The following CACNA1H variants were observed in gnomAD, a reference collection of about 807,000 sequenced individuals.
The protein encoded by CACNA1H is calcium voltage-gated channel subunit alpha1 H, also known as voltage-dependent T-type calcium channel subunit alpha-1H.
CACNA1H carries 149 observed loss-of-function variants against 192.5 expected under a neutral mutation model. The observed-to-expected ratio is 0.77, with a 90% CI of 0.68 to 0.89. CACNA1H has a LOEUF of 0.89. Among genes scored for constraint, CACNA1H ranks in the 40% least tolerant of loss-of-function variants. CACNA1H has a pLI of 0.00. For synonymous variants in CACNA1H, 2,202 were observed against 1,475.2 expected (o/e 1.49, Z -11.29); for missense variants, 4,257 against 3,423.5 (o/e 1.24, Z -6.08).
At position 1,212,123 on chromosome 16, in the gene CACNA1H, G is replaced by C. The variant is rs1426163060; in HGVS notation, c.4744G>C (p.Glu1582Gln). The C allele has an allele frequency of 4.4e-6, 7 of 1,607,032 alleles. No individual in the cohort carries two copies. Among genetic ancestry groups the C allele is most frequent in the Non-Finnish European group, 5.9e-6 (7 of 1,179,368 alleles). ...RREEKRLRRL[E>Q]RRRRSTFPSP... ...AGAGGAGAAGCGGCTGCGGCGCCTAGAGAGGAGGCGCAGGAGTAAGGCGCT... is the reference window on the plus strand; with the variant it reads ...AGAGGAGAAGCGGCTGCGGCGCCTACAGAGGAGGCGCAGGAGTAAGGCGCT... Residue 1582 changes from glutamate (E) to glutamine (Q), a missense_variant, in exon 25 of 35, where the codon GAG becomes CAG. By Grantham distance (29) the Glu-to-Gln change is conservative. Transcript: ENST00000348261.
rs375132698 is a variant in CACNA1H, at chr16:1,207,148, G to A, written c.2907+30G>A. On this transcript the variant is annotated intron_variant, in intron 13 of 34. Coordinates refer to ENST00000348261, the MANE Select transcript of CACNA1H (RefSeq NM_021098.3). ...TGCCCGGGGTCCCCGCAGCAGTGTT[G>A]GGTGCTGAGTGTGGTCCCCAGAGAG... 3.2e-6 allele frequency: 5 copies of A among 1,557,296 alleles called. No individual in the cohort carries two copies. In the African/African-American group the frequency reaches 6.8e-5, roughly 21 times the overall value.
At chr16:1,207,207 T>C in intron 13 of CACNA1H, 68 bp from the exon 14 acceptor site, 2 of 1,554,958 alleles carry the variant, frequency 1.3e-6, no homozygotes, top group South Asian at 1.2e-5. Flanking sequence ...CATAGCTGCC[T>C]CTGCCCCAAG....
Position 1,211,522 on chromosome 16 carries a change from C to G in CACNA1H, c.4392C>G (p.Thr1464=), listed in dbSNP as rs1401632465. The G allele has an allele frequency of 1.2e-6, 2 of 1,612,492 alleles. No homozygotes were observed. The highest frequency in any genetic ancestry group is 1.3e-5 in the African/African-American group (1 of 75,036). ...GKFYYCEGPD[T]RNISTKAQCR... is the part of the protein sequence containing the mutation. ...TCTACTACTGCGAGGGCCCCGACAC[C>G]AGGAACATCTCCACCAAGGCACAGT... The change falls in exon 23 of 35, where the codon ACC becomes ACG. Residue 1464 remains threonine (T), a synonymous_variant. Transcript: ENST00000348261.
At chr16:1,195,688 C>T in intron 4 of CACNA1H, 123 bp downstream of exon 4, 2 of 1,225,898 alleles carry the variant, frequency 1.6e-6, no homozygotes, top group East Asian at 2.5e-5. Flanking sequence ...CAGGTAGAGC[C>T]AGGGACCCTG....
chr16:1,198,748 C>A lies in CACNA1H; in HGVS notation c.777C>A (p.Arg259=), dbSNP rs746453607. 2.5e-6 allele frequency: 4 copies of A among 1,612,376 alleles called. No individual in the cohort carries two copies. Among genetic ancestry groups the A allele is most frequent in the Middle Eastern group, 1.6e-4 (1 of 6,080 alleles). Residue 259 remains arginine, a synonymous_variant, in exon 6 of 35, where the codon CGC becomes CGA. Transcript: ENST00000348261. ...TCTGGGCTGGCCTCCTGCGGAACCGCTGCTTCCTGGACAGTGCCTTTGTCA... is the reference window on the plus strand; with the variant it reads ...TCTGGGCTGGCCTCCTGCGGAACCGATGCTTCCTGGACAGTGCCTTTGTCA... ...VQLWAGLLRN[R]CFLDSAFVRN... is the part of the protein sequence containing the mutation.
At chr16:1,211,147 G>A (rs757742749) in intron 21 of CACNA1H, 21 bp from the exon 22 acceptor site, 1 of 1,611,234 alleles carries the variant, frequency 6.2e-7, no homozygotes, top group Non-Finnish European at 8.5e-7. Context: ...TGACTGCAGT[G>A]TATCCTTCAC....
chr16:1,210,654 A>G lies in CACNA1H; in HGVS notation c.4038+3A>G. The stretch of plus-strand genomic sequence containing the variant: ...TCGTGGCGGAGATGATGGTGAAGGT[A>G]CCGCGGGGCCCGGGGACTGCCCTTG... On this transcript the variant is annotated splice_donor_region_variant and intron_variant, in intron 20 of 34. Transcript: ENST00000348261. The G allele has an allele frequency of 6.2e-7, 1 of 1,602,618 alleles. No individual in the cohort carries two copies.
intron 12 of CACNA1H, chr16:1,206,566 T>G (rs1968738530): frequency 2.0e-6 from 1 of 490,322 alleles, no homozygotes; most frequent in Non-Finnish European, 3.6e-6. Flanking sequence ...ATACCGGGGG[T>G]GGGGGCAGGC....
chr16:1,180,179 C>T lies in CACNA1H; in HGVS notation c.300-14793C>T, dbSNP rs1042451588. On this transcript the variant is annotated intron_variant, in intron 2 of 34. Coordinates refer to ENST00000348261, the MANE Select transcript of CACNA1H (RefSeq NM_021098.3). This position sits in a 1 kb window ranked among gnomAD's most constrained non-coding sequence, Gnocchi z 4.4. ...GGGTCCCTGTCCCTGCACACCGGGT[C>T]AGCCGGCTCCTGGGTGCACAGGCAG... Among the ~76,000 whole-genome samples the T allele has an allele frequency of 6.6e-6, 1 of 152,238 alleles. No individual in the cohort carries two copies.
intron 25 of CACNA1H, 44 bp from the exon 26 acceptor site, chr16:1,212,467 T>G: frequency 6.3e-7 from 1 of 1,577,484 alleles, no homozygotes; most frequent in Admixed American, 1.7e-5. Context: ...CAGGCCCGAG[T>G]GCGCCACGCC....
At chr16:1,170,425 T>G (rs1964251486) in intron 2 of CACNA1H, among the ~76,000 whole-genome samples, 1 of 151,566 alleles carries the variant, frequency 6.6e-6, no homozygotes, top group African/African-American at 2.4e-5. Flanking sequence ...TGGTTTCCCG[T>G]AAAAGAGACT....
At position 1,201,808 on chromosome 16, in the gene CACNA1H, C is replaced by T. The variant is rs769382566; in HGVS notation, c.1358C>T (p.Pro453Leu). The change falls in exon 9 of 35, where the codon CCT (proline) becomes CTT (leucine). Residue 453 changes from proline (P) to leucine (L), a missense_variant. Physicochemically the swap from Pro to Leu is moderately conservative, Grantham distance 98. Transcript: ENST00000348261. Reference sequence around the variant, plus strand: ...AGCACGCTGGCCAGCTTCTCCGAGCCTGGCAGCTGCTACGAAGAGCTGCTG... The same window carrying T: ...AGCACGCTGGCCAGCTTCTCCGAGCTTGGCAGCTGCTACGAAGAGCTGCTG... ...NDSTLASFSE[P>L]GSCYEELLKY... 1.3e-6 allele frequency: 2 copies of T among 1,587,974 alleles called. No individual in the cohort carries two copies. Among genetic ancestry groups the T allele is most frequent in the South Asian group, 1.1e-5 (1 of 87,280 alleles).
intron 2 of CACNA1H, among the ~76,000 whole-genome samples, chr16:1,178,306 G>A (rs1248647242): frequency 5.4e-5 from 2 of 36,802 alleles, no homozygotes; most frequent in Admixed American, 5.8e-4. Context: ...CCTCCCCCAC[G>A]GCCTCCCCAG....
Position 1,154,052 on chromosome 16 carries a change from G to A in CACNA1H, c.299+16G>A. ...TCTGCAACCCATATCCTTCCCGGCCGGCGGGGGGCGGGGGGCGGGGGGCGT... is the reference window on the plus strand; with the variant it reads ...TCTGCAACCCATATCCTTCCCGGCCAGCGGGGGGCGGGGGGCGGGGGGCGT... On this transcript the variant is annotated intron_variant, in intron 2 of 34. Transcript: ENST00000348261. 1 of 843,920 alleles carries A rather than the reference G, an allele frequency of 1.2e-6. No individual in the cohort carries two copies. Among genetic ancestry groups the A allele is most frequent in the Non-Finnish European group, 1.5e-6 (1 of 651,234 alleles). 52.3% of individuals were successfully genotyped at this position (843,920 alleles called of 1,614,324 possible). A position where few individuals can be genotyped will look rare whatever the true frequency, so the allele number is the denominator to read the frequency against.
At chr16:1,161,294 C>A (rs561124978) in intron 2 of CACNA1H, among the ~76,000 whole-genome samples, 1 of 152,198 alleles carries the variant, frequency 6.6e-6, no homozygotes, top group Non-Finnish European at 1.5e-5. Context: ...TCAACTGAGC[C>A]GGTGGCAGAG....
At chr16:1,160,125 C>T (rs1030292242) in intron 2 of CACNA1H, 10 of 152,278 alleles carry the variant, frequency 6.6e-5, no homozygotes, top group Non-Finnish European at 1.5e-4. Context: ...GCGAGGAACG[C>T]GTTACCTTTG....
chr16:1,178,497 G>A (rs1364999344), intron 2 of CACNA1H, among the ~76,000 whole-genome samples: 1 of 152,138 alleles, frequency 6.6e-6, no homozygotes, highest in Non-Finnish European at 1.5e-5. Context: ...TGAGGCCACA[G>A]GAGGACACAG....
chr16:1,210,278 G>C (rs1879407578), intron 18 of CACNA1H, 92 bp from the exon 19 acceptor site: 1 of 1,276,652 alleles, frequency 7.8e-7, no homozygotes, highest in Admixed American at 2.0e-5. Context: ...CGGGGCTGAA[G>C]TGGAGGCGTG....
chr16:1,211,635 G>A, intron 23 of CACNA1H, 29 bp downstream of exon 23: 3 of 1,609,598 alleles, frequency 1.9e-6, no homozygotes, highest in Non-Finnish European at 2.5e-6. Context: ...CGGGAGCTGG[G>A]GGTCTCCAGG....
Sources: gnomAD v4.1 joint callset for allele counts (sites outside exome capture counted in the v4.1 genomes callset) on GRCh38, gnomAD v4.1.1 for gene constraint, Gnocchi (gnomAD v3.1) non-coding constraint, MANE v1.5 for transcripts, NCBI Gene and HGNC (gene_info 2026-07-23, HGNC 2026-07-21) for gene names.